Variants in MYH15 observed in about 807,000 individuals in gnomAD.
MYH15 encodes myosin heavy chain 15.
A neutral mutation model predicts 240.5 loss-of-function variants in MYH15; 227 were observed. The ratio of observed to expected loss-of-function variants is 0.94; its 90% CI spans 0.85 to 1.05. MYH15 has a LOEUF of 1.05. MYH15 is among the 50% of genes least tolerant of loss of function. MYH15 has a pLI of 0.00. For missense variants in MYH15, 2,217 were observed against 2,247.5 expected (o/e 0.99, Z 0.27); for synonymous variants, 785 against 796.7 (o/e 0.99, Z 0.25).
At chr3:108,387,857 C>A (rs2082395599) in intron 38 of MYH15, among the ~76,000 whole-genome samples, 1 of 152,204 alleles carries the variant, frequency 6.6e-6, no homozygotes, top group South Asian at 2.1e-4. Context: ...TAGCTTGTTT[C>A]ATCTTAATTA....
Position 108,459,424 on chromosome 3 carries a change from T to C in MYH15, c.1958A>G (p.Asn653Ser), listed in dbSNP as rs2083052518. 3 of 1,605,382 alleles carry C rather than the reference T, an allele frequency of 1.9e-6. No homozygotes were observed. Among genetic ancestry groups the C allele is most frequent in the Non-Finnish European group, 2.5e-6 (3 of 1,177,012 alleles). Residue 653 changes from asparagine to serine, a missense_variant, in exon 18 of 41, where the codon AAT becomes AGT. Coordinates refer to ENST00000693548, the MANE Select transcript of MYH15 (RefSeq NM_014981.3). The stretch of plus-strand genomic sequence containing the variant: ...AAAATGAGGTGCTGTTGATTTCAGA[T>C]TAGTCATCAATTTATTCAGGTTTTC... ...HKENLNKLMTNLKSTAPHFVR... is the reference protein window; with the variant it reads ...HKENLNKLMTSLKSTAPHFVR...
intron 11 of MYH15, among the ~76,000 whole-genome samples, chr3:108,480,956 C>T (rs1003879268): frequency 6.6e-6 from 1 of 151,972 alleles, no homozygotes; most frequent in Non-Finnish European, 1.5e-5. Context: ...GAAAAATTTA[C>T]CAAAGCTTAA....
Position 108,497,985 on chromosome 3 carries a change from A to C in MYH15, c.618+67T>G, listed in dbSNP as rs1199734554. 7 of 1,410,406 alleles carry C rather than the reference A, an allele frequency of 5.0e-6. No homozygotes were observed. The Admixed American group carries it at 1.2e-4, about 24-fold the overall frequency. 87.4% of individuals were successfully genotyped at this position (1,410,406 alleles called of 1,614,324 possible). ...GCCTCACTTCCCAAAAGTGGTCCGG[A>C]CACAACCTCCATGATCCAGTGGATA... is the stretch of plus-strand genomic sequence containing the variant. On this transcript the variant is annotated intron_variant, in intron 6 of 40. Transcript: ENST00000693548.
chr3:108,498,441 T>A (rs537868192), intron 5 of MYH15, among the ~76,000 whole-genome samples: 17 of 152,304 alleles, frequency 1.1e-4, no homozygotes, highest in African/African-American at 3.8e-4. Context: ...AAAGCACCTC[T>A]TCTAACTAGA....
At chr3:108,440,913 C>A in intron 23 of MYH15, 105 bp downstream of exon 23, 1 of 1,362,166 alleles carries the variant, frequency 7.3e-7, no homozygotes, top group Non-Finnish European at 1.0e-6. Context: ...AGTTGCAGGC[C>A]ACTGTGTTAA....
chr3:108,513,642 C>A (rs1410092612), upstream of MYH15, among the ~76,000 whole-genome samples: 1 of 152,114 alleles, frequency 6.6e-6, no homozygotes, highest in Non-Finnish European at 1.5e-5. Flanking sequence ...ATCAGGACAA[C>A]AAACTTAATC....
chr3:108,423,433 G>A (rs2082700403), intron 27 of MYH15, among the ~76,000 whole-genome samples: 1 of 152,196 alleles, frequency 6.6e-6, no homozygotes, highest in African/African-American at 2.4e-5. Flanking sequence ...TTTCTCGAAC[G>A]ATGCCATCAA....
At chr3:108,426,101 G>A (rs547537644) in intron 27 of MYH15, among the ~76,000 whole-genome samples, 189 of 151,236 alleles carry the variant, frequency 1.2e-3, no homozygotes, top group Middle Eastern at 3.4e-3. Context: ...AAAATATGAA[G>A]AGAGAGAAAT....
intron 9 of MYH15, among the ~76,000 whole-genome samples, chr3:108,490,782 G>T (rs1342340205): frequency 6.6e-6 from 1 of 152,026 alleles, no homozygotes; most frequent in Non-Finnish European, 1.5e-5. Flanking sequence ...ATCTAAAATA[G>T]AACTATCCAC....
chr3:108,492,460 T>C (rs759925430), intron 9 of MYH15, 40 bp downstream of exon 9: 1 of 1,442,044 alleles, frequency 6.9e-7, no homozygotes, highest in East Asian at 2.3e-5. Context: ...TTATTTTTCT[T>C]GTTTTGGAAT....
At chr3:108,493,046 G>GAAGA (rs764306259) in intron 8 of MYH15, 68 bp downstream of exon 8, 3 of 1,282,532 alleles carry the variant, frequency 2.3e-6, no homozygotes, top group South Asian at 1.2e-5. Context: ...AGGAAGGAAG[G>GAAGA]AAAGAGAAGG....
At chr3:108,487,317 G>A (rs979261479) in intron 9 of MYH15, among the ~76,000 whole-genome samples, 1 of 152,108 alleles carries the variant, frequency 6.6e-6, no homozygotes, top group Non-Finnish European at 1.5e-5. Context: ...CCAAATCTCA[G>A]AAACAAAGAA....
intron 10 of MYH15, 66 bp from the exon 11 acceptor site, chr3:108,485,295 C>G (rs900115085): frequency 6.3e-7 from 1 of 1,581,930 alleles, no homozygotes; most frequent in Non-Finnish European, 8.6e-7. Flanking sequence ...CACCTCACCC[C>G]CGCTGTGTTA....
At chr3:108,486,365 T>A in intron 10 of MYH15, 58 bp downstream of exon 10, 1 of 1,403,958 alleles carries the variant, frequency 7.1e-7, no homozygotes, top group Non-Finnish European at 1.0e-6. Context: ...TCTAAGATTC[T>A]GTCTTTCATT....
At chr3:108,518,521 T>C (rs577973208) in intron 1 of MYH15, among the ~76,000 whole-genome samples, 1 of 152,324 alleles carries the variant, frequency 6.6e-6, no homozygotes, top group African/African-American at 2.4e-5. Context: ...TTTAAAATCA[T>C]TCCGCATCCT....
upstream of MYH15, among the ~76,000 whole-genome samples, chr3:108,531,906 G>A (rs9848510): frequency 0.021 from 3,214 of 152,226 alleles, 123 homozygotes; most frequent in African/African-American, 0.074. Context: ...GAGAGGTTAC[G>A]TAATTATCCC....
At chr3:108,466,667 T>C (rs530561032) in intron 14 of MYH15, among the ~76,000 whole-genome samples, 1 of 152,206 alleles carries the variant, frequency 6.6e-6, no homozygotes, top group East Asian at 1.9e-4. Flanking sequence ...ACAAGCCTGT[T>C]GCATCCTTCT....
At chr3:108,416,485 A>T (rs1304380172) in intron 29 of MYH15, among the ~76,000 whole-genome samples, 5 of 152,162 alleles carry the variant, frequency 3.3e-5, no homozygotes, top group African/African-American at 1.2e-4. Flanking sequence ...CACTTATTTT[A>T]TTCTAGGCTT....
intron 1 of MYH15, among the ~76,000 whole-genome samples, chr3:108,519,224 T>C (rs947534726): frequency 6.6e-6 from 1 of 152,156 alleles, no homozygotes; most frequent in Non-Finnish European, 1.5e-5. Context: ...AAATTTAGAT[T>C]TGTGGTTCAA....
Sources: gnomAD v4.1 joint callset for allele counts (sites outside exome capture counted in the v4.1 genomes callset) on GRCh38, gnomAD v4.1.1 for gene constraint, MANE v1.5 for transcripts, NCBI Gene and HGNC (gene_info 2026-07-23, HGNC 2026-07-21) for gene names.